The following FNIP1 variants were observed in gnomAD, a reference collection of about 807,000 sequenced individuals.
FNIP1 encodes folliculin-interacting protein 1.
Under a neutral mutation model 124.5 loss-of-function variants are expected in FNIP1, and 40 were observed. The ratio of observed to expected loss-of-function variants is 0.32; its 90% CI spans 0.25 to 0.42. FNIP1 has a LOEUF of 0.42. FNIP1 is among the 10% of genes least tolerant of loss of function. FNIP1 has a pLI of 1.00. For missense variants in FNIP1, 1,176 were observed against 1,403.7 expected (o/e 0.84, Z 2.59); for synonymous variants, 472 against 470.6 (o/e 1.00, Z -0.04).
At chr5:131,677,476 C>A (rs1397323269) in intron 13 of FNIP1, 1 of 432,118 alleles carries the variant, frequency 2.3e-6, no homozygotes, top group South Asian at 4.8e-5. Context: ...AACGAGCTAT[C>A]AGCCTGCTCC....
chr5:131,647,713 T>A (rs1018832935), intron 16 of FNIP1, among the ~76,000 whole-genome samples: 4 of 152,038 alleles, frequency 2.6e-5, no homozygotes, highest in Non-Finnish European at 4.4e-5. Context: ...TGACCTCAGG[T>A]GATCCACCCA....
At chr5:131,721,698 T>C (rs998521779) in intron 3 of FNIP1, among the ~76,000 whole-genome samples, 26 of 152,220 alleles carry the variant, frequency 1.7e-4, no homozygotes, top group Non-Finnish European at 2.9e-4. Context: ...CGCGGGAGGC[T>C]GAGGCAGGAG....
chr5:131,719,106 G>T, intron 4 of FNIP1, 46 bp from the exon 5 acceptor site: 1 of 1,528,124 alleles, frequency 6.5e-7, no homozygotes, highest in South Asian at 1.1e-5. Flanking sequence ...AAAATATAAT[G>T]ACCTTTTGGA....
intron 14 of FNIP1, 71 bp from the exon 15 acceptor site, chr5:131,670,702 A>AACT: frequency 1.8e-6 from 2 of 1,081,424 alleles, no homozygotes; most frequent in Non-Finnish European, 2.6e-6. Context: ...AAAAAAAAAA[A>AACT]GTGAATTCTA....
Position 131,690,127 on chromosome 5 carries a change from G to T in FNIP1, c.1202+8790C>A, listed in dbSNP as rs184454017. On this transcript the variant is annotated intron_variant, in intron 11 of 17. Transcript: ENST00000510461. ...AGTCCCAGCTACTCAGGAGGCTGAGGCAGGAGAATGGTGTGAACCCGGGAG... is the reference window on the plus strand; with the variant it reads ...AGTCCCAGCTACTCAGGAGGCTGAGTCAGGAGAATGGTGTGAACCCGGGAG... Among the ~76,000 whole-genome samples, 566 of 152,216 alleles carry T rather than the reference G, an allele frequency of 3.7e-3. 4 individuals are homozygous for T. Among genetic ancestry groups the T allele is most frequent in the African/African-American group, 0.013 (536 of 41,528 alleles).
At chr5:131,780,791 C>T (rs1056521153) in intron 1 of FNIP1, among the ~76,000 whole-genome samples, 1 of 152,138 alleles carries the variant, frequency 6.6e-6, no homozygotes, top group Admixed American at 6.5e-5. Context: ...TGGAGCCTCC[C>T]TATTCCCTGA....
chr5:131,683,761 T>C (rs1157616924), intron 11 of FNIP1, among the ~76,000 whole-genome samples: 2 of 152,188 alleles, frequency 1.3e-5, no homozygotes, highest in East Asian at 3.8e-4. Flanking sequence ...AAGGTCTGAC[T>C]GCAGAGTCTA....
rs541816174 is a variant in FNIP1 at position 131,643,680 on chromosome 5, G to A, written c.*1005C>T. ...AGAATAATTTTAAGAGTTATGAATA[G>A]TGTAAATTGAGGATTATTAAGCAGT... On this transcript the variant is annotated 3_prime_UTR_variant, in exon 18 of 18. Coordinates refer to ENST00000510461, the MANE Select transcript of FNIP1 (RefSeq NM_133372.3). 1 of 152,808 alleles carries A rather than the reference G, an allele frequency of 6.5e-6. No homozygotes were observed. The highest frequency in any genetic ancestry group is 1.9e-4 in the East Asian group (1 of 5,286). 9.5% of individuals were successfully genotyped at this position (152,808 alleles called of 1,614,324 possible). A position where few individuals can be genotyped will look rare whatever the true frequency, so the allele number is the denominator to read the frequency against.
intron 13 of FNIP1, among the ~76,000 whole-genome samples, chr5:131,676,632 G>A (rs1203228828): frequency 2.0e-5 from 3 of 152,048 alleles, no homozygotes; most frequent in Non-Finnish European, 4.4e-5. Context: ...GGTGTTACGC[G>A]CCTGTAGTCC....
rs1183467382 is a variant in FNIP1 at position 131,719,524 on chromosome 5, G to C, written c.355-107C>G. ...TTGATATAGTTATTCTACATTAAGAGTTGTACTTCTACACTGTATACGCTG... is the reference window on the plus strand; with the variant it reads ...TTGATATAGTTATTCTACATTAAGACTTGTACTTCTACACTGTATACGCTG... On this transcript the variant is annotated intron_variant, in intron 3 of 17. Transcript: ENST00000510461. 3.0e-6 allele frequency: 3 copies of C among 988,550 alleles called. No homozygotes were observed. The African/African-American group carries it at 5.0e-5, about 16-fold the overall frequency. The allele number at this position is 988,550 out of a possible 1,614,324, so 61.2% of individuals were successfully genotyped here.
intron 1 of FNIP1, among the ~76,000 whole-genome samples, chr5:131,746,582 C>T (rs1770689883): frequency 6.6e-6 from 1 of 152,136 alleles, no homozygotes; most frequent in Non-Finnish European, 1.5e-5. Flanking sequence ...CAGCTGCCTT[C>T]GTGTTGCTGC....
chr5:131,794,491 A>G (rs1484437836), intron 1 of FNIP1, among the ~76,000 whole-genome samples: 1 of 152,170 alleles, frequency 6.6e-6, no homozygotes, highest in African/African-American at 2.4e-5. Flanking sequence ...AAAAGAAAAT[A>G]TATGTCCACA....
chr5:131,795,057 T>C (rs1232600639), intron 1 of FNIP1, among the ~76,000 whole-genome samples: 1 of 152,262 alleles, frequency 6.6e-6, no homozygotes, highest in Non-Finnish European at 1.5e-5. Context: ...CTGTAAGTTA[T>C]TAGCTATGTG....
At chr5:131,692,365 T>A (rs920652479) in intron 11 of FNIP1, among the ~76,000 whole-genome samples, 1 of 150,442 alleles carries the variant, frequency 6.6e-6, no homozygotes, top group African/African-American at 2.4e-5. Flanking sequence ...ACAGGGTCTA[T>A]ATGAGGAAAA....
intron 11 of FNIP1, among the ~76,000 whole-genome samples, chr5:131,683,743 C>A (rs546936096): frequency 1.3e-5 from 2 of 152,026 alleles, no homozygotes; most frequent in Admixed American, 1.3e-4. Context: ...GTGGAACCCA[C>A]AGATATAAAG....
At chr5:131,735,398 T>C (rs1252346007) in intron 2 of FNIP1, among the ~76,000 whole-genome samples, 2 of 151,510 alleles carry the variant, frequency 1.3e-5, no homozygotes, top group Non-Finnish European at 2.9e-5. Flanking sequence ...ACATGGGACA[T>C]GTATAGATAT....
intron 10 of FNIP1, among the ~76,000 whole-genome samples, chr5:131,701,906 T>C (rs1029125746): frequency 6.6e-6 from 1 of 152,214 alleles, no homozygotes; most frequent in African/African-American, 2.4e-5. Flanking sequence ...ACTTCGCCAG[T>C]TGTACCTCTC....
chr5:131,708,914 A>G (rs1463126294), intron 8 of FNIP1, among the ~76,000 whole-genome samples: 1 of 151,904 alleles, frequency 6.6e-6, no homozygotes, highest in Non-Finnish European at 1.5e-5. Flanking sequence ...TTTTTACTAC[A>G]GTTTCTAAGC....
At chr5:131,688,307 A>G (rs1768353636) in intron 11 of FNIP1, among the ~76,000 whole-genome samples, 1 of 151,494 alleles carries the variant, frequency 6.6e-6, no homozygotes, top group African/African-American at 2.4e-5. Context: ...AAAAAAAGGA[A>G]ACTATGGGAA....
Sources: allele counts gnomAD v4.1 joint callset (sites outside exome capture counted in the v4.1 genomes callset), GRCh38; gene constraint gnomAD v4.1.1; transcripts MANE v1.5; gene names NCBI Gene and HGNC (gene_info 2026-07-23, HGNC 2026-07-21).